TMPRSS11A: variants seen among roughly 807,000 people sequenced by gnomAD.
The protein encoded by TMPRSS11A is transmembrane protease serine 11A.
TMPRSS11A carries 53 observed loss-of-function variants against 58.9 expected under a neutral mutation model. The ratio of observed to expected loss-of-function variants is 0.90; its 90% confidence interval spans 0.72 to 1.13. The LOEUF is 1.13. Among genes scored for constraint, TMPRSS11A ranks in the 50% most tolerant of loss-of-function variants. The probability of loss-of-function intolerance (pLI) is 0.00; values close to 1 mark genes in which losing one functional copy is unlikely to be tolerated. For synonymous variants in TMPRSS11A, 167 were observed against 169.8 expected, an observed-to-expected ratio of 0.98 and a Z score of 0.13; for missense variants, 493 against 499.3, an observed-to-expected ratio of 0.99 and a Z score of 0.12.
intron 6 of TMPRSS11A, 107 bp from the exon 7 acceptor site, chr4:67,923,033 C>G: frequency 1.0e-6 from 1 of 991,402 alleles, no homozygotes; most frequent in Non-Finnish European, 1.5e-6. Flanking sequence ...TCCTCCTGCC[C>G]AGGACACTTA....
intron 4 of TMPRSS11A, among the ~76,000 whole-genome samples, chr4:67,930,532 T>C (rs1053389515): frequency 2.0e-5 from 3 of 152,094 alleles, no homozygotes; most frequent in African/African-American, 7.2e-5. Context: ...ATATCTCCCA[T>C]TCCATAAGGC....
At chr4:67,944,369 A>C in intron 3 of TMPRSS11A, 150 bp downstream of exon 3, 6 of 817,666 alleles carry the variant, frequency 7.3e-6, no homozygotes, top group Non-Finnish European at 1.1e-5. Flanking sequence ...TCATACTCTG[A>C]TTAAGCAGGT....
At chr4:67,920,924 G>C (rs986201058) in intron 7 of TMPRSS11A, among the ~76,000 whole-genome samples, 3 of 152,126 alleles carry the variant, frequency 2.0e-5, no homozygotes, top group African/African-American at 7.2e-5. Flanking sequence ...GACATGGATA[G>C]GGCTGGAGGT....
rs574077186 is a variant in TMPRSS11A at position 67,909,398 on chromosome 4, T to G, written c.*1944A>C. The G allele has an allele frequency of 3.3e-5, 5 of 152,280 alleles. No homozygotes were observed. The highest frequency in any genetic ancestry group is 7.4e-5 in the Non-Finnish European group (5 of 67,988). The allele number at this position is 152,280 out of a possible 1,614,324, so 9.4% of individuals were successfully genotyped here. ...CTCAGTGATATTGTTTGTAGAATGC[T>G]CTGATCACCAACTTTATTAGATTAA... On this transcript the variant is annotated 3_prime_UTR_variant, in exon 10 of 10. Transcript: ENST00000508048.
At chr4:67,948,299 A>C (rs911912595) in intron 1 of TMPRSS11A, among the ~76,000 whole-genome samples, 145 of 151,638 alleles carry the variant, frequency 9.6e-4, no homozygotes, top group African/African-American at 3.1e-3. Flanking sequence ...GCTGGGACTA[A>C]AGGCGTCCAC....
intron 3 of TMPRSS11A, among the ~76,000 whole-genome samples, chr4:67,943,472 GGA>G (rs1720928113): frequency 6.6e-6 from 1 of 152,142 alleles, no homozygotes; most frequent in Non-Finnish European, 1.5e-5. Context: ...GAGGTTATGT[GGA>G]GTCACTTAGG....
chr4:67,945,580 T>C (rs1439743981), intron 2 of TMPRSS11A, among the ~76,000 whole-genome samples: 1 of 152,196 alleles, frequency 6.6e-6, no homozygotes. Context: ...CTTTTGCCAA[T>C]GGTATAAACT....
chr4:67,955,544 T>C (rs1721266996), intron 1 of TMPRSS11A, among the ~76,000 whole-genome samples: 6 of 152,218 alleles, frequency 3.9e-5, no homozygotes, highest in Admixed American at 3.9e-4. Context: ...AACATAAATA[T>C]GCCTTCACAA....
chr4:67,935,084 T>C (rs781678846), intron 3 of TMPRSS11A, among the ~76,000 whole-genome samples: 2 of 152,216 alleles, frequency 1.3e-5, no homozygotes, highest in Non-Finnish European at 2.9e-5. Context: ...AAGGATATTA[T>C]ATAAGAGGGA....
At chr4:67,943,315 C>G (rs145059289) in intron 3 of TMPRSS11A, among the ~76,000 whole-genome samples, 48 of 152,310 alleles carry the variant, frequency 3.2e-4, no homozygotes, top group African/African-American at 1.2e-3. Context: ...TAACTTACAA[C>G]AACAACAGTA....
rs566055123 is a variant in TMPRSS11A, at chr4:67,916,551, G to A, written c.953-1821C>T. On this transcript the variant is annotated intron_variant, in intron 8 of 9. Coordinates refer to ENST00000508048, the MANE Select transcript of TMPRSS11A (RefSeq NM_001114387.2). Reference sequence around the variant, plus strand: ...CAATTAAAAACATTCATGGCCTGGCGCGCGGTGGCTCACGCCTGTAATCCC... The same window carrying A: ...CAATTAAAAACATTCATGGCCTGGCACGCGGTGGCTCACGCCTGTAATCCC... 2.0e-3 allele frequency among the ~76,000 whole-genome samples: 303 copies of A among 152,176 alleles called. 4 individuals are homozygous for A. The highest frequency in any genetic ancestry group is 6.9e-3 in the African/African-American group (287 of 41,516).
intron 3 of TMPRSS11A, among the ~76,000 whole-genome samples, chr4:67,942,844 A>G (rs973929728): frequency 2.6e-5 from 4 of 152,218 alleles, no homozygotes; most frequent in Non-Finnish European, 5.9e-5. Flanking sequence ...AGCAGCTAAC[A>G]GCAATAAACT....
chr4:67,924,178 G>A lies in TMPRSS11A; in HGVS notation c.482-12C>T, dbSNP rs1280422425. Reference sequence around the variant, plus strand: ...TGATGAGCTCATTGCTGAAAAAGAAGATAAAACAAATAGTGATAATTTGAT... The same window carrying A: ...TGATGAGCTCATTGCTGAAAAAGAAAATAAAACAAATAGTGATAATTTGAT... On this transcript the variant is annotated splice_polypyrimidine_tract_variant and intron_variant, in intron 5 of 9. Transcript: ENST00000508048. 1.9e-6 allele frequency: 3 copies of A among 1,612,030 alleles called. No homozygotes were observed. The highest frequency in any genetic ancestry group is 1.1e-5 in the South Asian group (1 of 91,028).
At chr4:67,912,663 G>C (rs353174) in intron 9 of TMPRSS11A, among the ~76,000 whole-genome samples, 108,787 of 152,060 alleles carry the variant, frequency 0.72, 39,425 homozygotes, top group African/African-American at 0.83. Context: ...TTCCACCATC[G>C]TCTACCTTCT....
At chr4:67,943,752 A>G (rs1344536905) in intron 3 of TMPRSS11A, among the ~76,000 whole-genome samples, 1 of 152,188 alleles carries the variant, frequency 6.6e-6, no homozygotes, top group Non-Finnish European at 1.5e-5. Context: ...TAGGTATACT[A>G]TGGACAAAGA....
chr4:67,918,915 G>A (rs1472156731), intron 8 of TMPRSS11A, 58 bp downstream of exon 8: 2 of 1,579,154 alleles, frequency 1.3e-6, no homozygotes, highest in African/African-American at 1.4e-5. Flanking sequence ...TGATGGAGAT[G>A]AAATCACATT....
intron 6 of TMPRSS11A, among the ~76,000 whole-genome samples, 181 bp from the exon 7 acceptor site, chr4:67,923,107 T>C (rs542599699): frequency 5.1e-4 from 78 of 152,332 alleles, no homozygotes; most frequent in Non-Finnish European, 9.9e-4. Flanking sequence ...TTTCTTACTG[T>C]GTGAGAACAG....
At chr4:67,928,460 G>GC (rs1252306069) in intron 5 of TMPRSS11A, among the ~76,000 whole-genome samples, 2 of 152,154 alleles carry the variant, frequency 1.3e-5, no homozygotes, top group South Asian at 4.1e-4. Context: ...AAAAGACCAG[G>GC]CAGCCAATGA....
rs563045180 is a variant in TMPRSS11A at position 67,948,467 on chromosome 4, T to G, written c.12-1896A>C. On this transcript the variant is annotated intron_variant, in intron 1 of 9. Coordinates refer to ENST00000508048, the MANE Select transcript of TMPRSS11A (RefSeq NM_001114387.2). The stretch of plus-strand genomic sequence containing the variant: ...GCCACTGCACCCGGTCTTACAAAAG[T>G]TTTTTATATATAAATGCCAGGATAA... Among the ~76,000 whole-genome samples, 16 of 152,312 alleles carry G rather than the reference T, an allele frequency of 1.1e-4. No individual in the cohort carries two copies. In the South Asian group the frequency reaches 3.3e-3, roughly 32 times the overall value.
Sources: allele counts gnomAD v4.1 joint callset (sites outside exome capture counted in the v4.1 genomes callset), GRCh38; gene constraint gnomAD v4.1.1; transcripts MANE v1.5; gene names NCBI Gene and HGNC (gene_info 2026-07-23, HGNC 2026-07-21).